The following RBFOX1 variants were observed in gnomAD, a reference collection of about 807,000 sequenced individuals.
The protein encoded by RBFOX1 is RNA binding fox-1 homolog 1, also known as RNA binding protein fox-1 homolog 1.
Under a neutral mutation model 57.7 loss-of-function variants are expected in RBFOX1, and 8 were observed. The observed-to-expected ratio is 0.14, with a 90% CI of 0.08 to 0.25. RBFOX1 has a LOEUF of 0.25. RBFOX1 is among the 10% of genes least tolerant of loss of function. The probability of loss-of-function intolerance (pLI) is 1.00; values close to 1 mark genes in which losing one functional copy is unlikely to be tolerated. For missense variants in RBFOX1, 611 were observed against 548.5 expected, an observed-to-expected ratio of 1.11 and a Z score of -1.14; for synonymous variants, 326 against 222.4, an observed-to-expected ratio of 1.47 and a Z score of -4.15.
At chr16:6,089,065 C>CA (rs5815283) in intron 1 of RBFOX1, among the ~76,000 whole-genome samples, 3,310 of 138,144 alleles carry the variant, frequency 0.024, 140 homozygotes, top group African/African-American at 0.083. Context: ...AACTCTGTCT[C>CA]AAAAAAAAAA....
intron 2 of RBFOX1, among the ~76,000 whole-genome samples, chr16:6,583,841 A>G (rs937941699): frequency 1.3e-5 from 2 of 152,206 alleles, no homozygotes; most frequent in Non-Finnish European, 2.9e-5. Context: ...TTACTCATTG[A>G]AAAGTAGGGG....
chr16:6,884,110 G>C (rs1411130808), intron 3 of RBFOX1, among the ~76,000 whole-genome samples: 1 of 152,340 alleles, frequency 6.6e-6, no homozygotes, highest in South Asian at 2.1e-4. Flanking sequence ...CGCTGCAGAA[G>C]AAGAGAGGCA....
intron 1 of RBFOX1, among the ~76,000 whole-genome samples, chr16:6,212,428 G>A (rs1598408907): frequency 6.6e-6 from 1 of 151,394 alleles, no homozygotes. Context: ...ATCCACGGCT[G>A]GGTGTTTTGG....
chr16:6,216,444 A>T (rs1598442079), intron 1 of RBFOX1, among the ~76,000 whole-genome samples: 1 of 152,148 alleles, frequency 6.6e-6, no homozygotes, highest in African/African-American at 2.4e-5. Flanking sequence ...TTTTGCCAAC[A>T]CCATTAGCTC....
At chr16:5,596,607 C>G (rs1168296315) in intron 2 of RBFOX1, among the ~76,000 whole-genome samples, 1 of 152,158 alleles carries the variant, frequency 6.6e-6, no homozygotes, top group Non-Finnish European at 1.5e-5. Flanking sequence ...ATAGGGATCC[C>G]AGGGCATCTA....
At chr16:6,398,083 G>A (rs1293085067) in intron 2 of RBFOX1, among the ~76,000 whole-genome samples, 1 of 152,094 alleles carries the variant, frequency 6.6e-6, no homozygotes, top group Admixed American at 6.6e-5. Context: ...AAGCAAACAC[G>A]TCCTTCTTCA....
At chr16:7,680,707 C>T (rs2074507687) in intron 14 of RBFOX1, among the ~76,000 whole-genome samples, 1 of 152,110 alleles carries the variant, frequency 6.6e-6, no homozygotes, top group African/African-American at 2.4e-5. Flanking sequence ...TTAATGTATA[C>T]CTTTTTGGAT....
chr16:7,450,741 G>A (rs2098845655), intron 4 of RBFOX1, among the ~76,000 whole-genome samples: 1 of 152,130 alleles, frequency 6.6e-6, no homozygotes, highest in East Asian at 1.9e-4. Context: ...AGGTCTTCAG[G>A]TTGCTGAGTG....
chr16:7,463,672 C>T (rs1158709577), intron 4 of RBFOX1, among the ~76,000 whole-genome samples: 1 of 152,248 alleles, frequency 6.6e-6, no homozygotes, highest in East Asian at 1.9e-4. Context: ...TCACCTTTGC[C>T]ATGTAAGGTA....
intron 4 of RBFOX1, among the ~76,000 whole-genome samples, chr16:6,007,622 A>C: frequency 6.6e-6 from 1 of 152,234 alleles, no homozygotes; most frequent in East Asian, 1.9e-4. Flanking sequence ...CTAGCAAGAG[A>C]TAACTAATAC....
intron 4 of RBFOX1, among the ~76,000 whole-genome samples, chr16:7,290,971 A>G (rs966176460): frequency 5.9e-5 from 9 of 152,206 alleles, no homozygotes; most frequent in African/African-American, 1.9e-4. Flanking sequence ...AACATACAAG[A>G]ATGCACATTT....
intron 14 of RBFOX1, among the ~76,000 whole-genome samples, chr16:7,706,035 T>C (rs914289969): frequency 5.3e-5 from 8 of 152,152 alleles, no homozygotes; most frequent in African/African-American, 1.9e-4. Context: ...ATCCTGGGTA[T>C]TGCTGTGCTC....
chr16:5,554,310 A>C (rs928635946), intron 2 of RBFOX1, among the ~76,000 whole-genome samples: 2 of 152,176 alleles, frequency 1.3e-5, no homozygotes, highest in African/African-American at 2.4e-5. Flanking sequence ...ACCTAAAAGC[A>C]TAAAACCTAA....
intron 1 of RBFOX1, among the ~76,000 whole-genome samples, chr16:5,293,179 G>C (rs2063576673): frequency 6.6e-6 from 1 of 152,022 alleles, no homozygotes; most frequent in Non-Finnish European, 1.5e-5. Context: ...AAATTAGCCA[G>C]GTGTGGTGGT....
At chr16:5,576,072 C>T (rs1404118886) in intron 2 of RBFOX1, among the ~76,000 whole-genome samples, 2 of 152,082 alleles carry the variant, frequency 1.3e-5, no homozygotes, top group African/African-American at 2.4e-5. Context: ...CTGCCACTTC[C>T]GTTGCCCAGG....
At chr16:7,300,496 A>T (rs976124951) in intron 4 of RBFOX1, among the ~76,000 whole-genome samples, 4 of 152,234 alleles carry the variant, frequency 2.6e-5, no homozygotes, top group Non-Finnish European at 4.4e-5. Flanking sequence ...TTTCTAAGTC[A>T]CATCTTGACG....
chr16:5,325,457 A>T (rs1331454016), intron 1 of RBFOX1, among the ~76,000 whole-genome samples: 2 of 152,232 alleles, frequency 1.3e-5, no homozygotes, highest in African/African-American at 4.8e-5. Flanking sequence ...ATTAACGTAC[A>T]GTAAAATTGC....
chr16:6,670,197 G>A (rs547659148), intron 3 of RBFOX1, among the ~76,000 whole-genome samples: 13 of 152,088 alleles, frequency 8.5e-5, no homozygotes, highest in African/African-American at 2.7e-4. Context: ...CCAAGTAGCT[G>A]GAACCACAGG....
intron 3 of RBFOX1, among the ~76,000 whole-genome samples, chr16:5,634,230 A>C (rs994749110): frequency 1.3e-5 from 2 of 152,240 alleles, no homozygotes; most frequent in African/African-American, 4.8e-5. Context: ...CTACTGGTTC[A>C]GTACTGGCAA....
Sources: gnomAD v4.1 joint callset for allele counts (sites outside exome capture counted in the v4.1 genomes callset) on GRCh38, gnomAD v4.1.1 for gene constraint, MANE v1.5 for transcripts, NCBI Gene and HGNC (gene_info 2026-07-23, HGNC 2026-07-21) for gene names.